The following PISD variants were observed in gnomAD, a reference collection of about 807,000 sequenced individuals.
PISD encodes the protein phosphatidylserine decarboxylase, also known as phosphatidylserine decarboxylase proenzyme, mitochondrial.
Under a neutral mutation model 43.5 loss-of-function variants are expected in PISD, and 31 were observed. That is an observed-to-expected ratio of 0.71 (90% confidence interval 0.54 to 0.96). PISD has a LOEUF of 0.96. PISD is among the 40% of genes least tolerant of loss of function. The pLI, the probability that PISD is intolerant of heterozygous loss-of-function variation, is 0.00. For missense variants in PISD, 523 were observed against 548.4 expected (o/e 0.95, Z 0.46); for synonymous variants, 259 against 228.7 (o/e 1.13, Z -1.20).
chr22:31,638,667 T>C (rs2073591959), intron 3 of PISD: 23 of 978,758 alleles, frequency 2.3e-5, no homozygotes, highest in Non-Finnish European at 2.7e-5. Context: ...GTTTTTTCTT[T>C]GTAGAGGCAT....
At chr22:31,641,612 C>T (rs1226065110) in intron 3 of PISD, among the ~76,000 whole-genome samples, 1 of 151,150 alleles carries the variant, frequency 6.6e-6, no homozygotes, top group Non-Finnish European at 1.5e-5. Flanking sequence ...GTCAAGAGTT[C>T]AAGAACAGCC....
intron 3 of PISD, among the ~76,000 whole-genome samples, chr22:31,641,531 T>C (rs765241952): frequency 5.8e-4 from 88 of 152,180 alleles, no homozygotes; most frequent in Middle Eastern, 3.4e-3. Flanking sequence ...AACTTAGGAA[T>C]TGTGGCCAGG....
intron 3 of PISD, among the ~76,000 whole-genome samples, chr22:31,642,664 G>A (rs1003811884): frequency 6.0e-5 from 9 of 149,788 alleles, no homozygotes; most frequent in African/African-American, 2.3e-4. Flanking sequence ...GTGGTGGTGC[G>A]CGCACCTGTA....
chr22:31,650,648 G>T lies in PISD; in HGVS notation c.145+51C>A. On this transcript the variant is annotated intron_variant, in intron 2 of 7. Coordinates refer to ENST00000439502, the MANE Select transcript of PISD (RefSeq NM_001326411.2). ...CCTATGTTTATCCCAATTTACAGAT[G>T]ACCAAACTGAGGCAGAGAGAGGGTC... The T allele has an allele frequency of 2.8e-6, 3 of 1,076,498 alleles. No homozygotes were observed. In the South Asian group the frequency reaches 4.2e-5, roughly 15 times the overall value. 66.7% of individuals were successfully genotyped at this position (1,076,498 alleles called of 1,614,324 possible).
chr22:31,638,725 G>T (rs2073593888), intron 3 of PISD: 1 of 565,494 alleles, frequency 1.8e-6, no homozygotes, highest in Non-Finnish European at 2.2e-6. Context: ...GGGCTCAAGA[G>T]ATCTTCCTGC....
At chr22:31,645,308 G>A (rs1412466600) in intron 3 of PISD, among the ~76,000 whole-genome samples, 1 of 151,740 alleles carries the variant, frequency 6.6e-6, no homozygotes, top group Non-Finnish European at 1.5e-5. Context: ...AGAAGGCTGA[G>A]GTGGGAGGAT....
intron 3 of PISD, among the ~76,000 whole-genome samples, chr22:31,636,422 A>C (rs1817993869): frequency 6.6e-6 from 1 of 152,168 alleles, no homozygotes; most frequent in African/African-American, 2.4e-5. Flanking sequence ...ACAAGCCCCC[A>C]GGGCCATGCC....
Position 31,644,047 on chromosome 22 carries a change from C to CA in PISD, c.321+4053dup, listed in dbSNP as rs549530970. ...TGGGTGACAGGGCGAGTCTCCGTCT[C>CA]AAAAAAAAAAACAAAAACAAAAACA... is the stretch of plus-strand genomic sequence containing the variant. On this transcript the variant is annotated intron_variant, in intron 3 of 7. Coordinates refer to ENST00000439502, the MANE Select transcript of PISD (RefSeq NM_001326411.2). 7.4e-3 allele frequency among the ~76,000 whole-genome samples: 994 copies of CA among 134,818 alleles called. 4 individuals are homozygous for CA. Among genetic ancestry groups the CA allele is most frequent in the African/African-American group, 0.022 (809 of 36,758 alleles). The allele number at this position is 134,818 out of a possible 152,430, so 88.4% of individuals were successfully genotyped here.
chr22:31,632,893 C>T (rs999973221), intron 3 of PISD, among the ~76,000 whole-genome samples: 1 of 152,148 alleles, frequency 6.6e-6, no homozygotes, highest in Non-Finnish European at 1.5e-5. Flanking sequence ...TTAATTCTTG[C>T]TTCTATCAAT....
Position 31,658,872 on chromosome 22 carries a change from G to C in PISD, c.65+3272C>G, listed in dbSNP as rs375536186. Among the ~76,000 whole-genome samples the C allele has an allele frequency of 4.3e-4, 33 of 76,512 alleles. No homozygotes were observed. In the East Asian group the frequency reaches 0.01, roughly 24 times the overall value. 50.2% of individuals were successfully genotyped at this position (76,512 alleles called of 152,430 possible). On this transcript the variant is annotated intron_variant, in intron 1 of 7. Coordinates refer to ENST00000439502, the MANE Select transcript of PISD (RefSeq NM_001326411.2). ...TTCTTTTTCTTTTTTTTTTTTTTTT[G>C]AGACAGGGTCTCACTCTGTTGCCCA... is the stretch of plus-strand genomic sequence containing the variant.
intron 1 of PISD, among the ~76,000 whole-genome samples, 176 bp downstream of exon 1, chr22:31,661,968 C>G (rs2074331829): frequency 2.0e-5 from 3 of 152,158 alleles, no homozygotes; most frequent in Admixed American, 6.5e-5. Context: ...CTAAGTAAAT[C>G]CGGACCGCCC....
chr22:31,619,629 C>CTT lies in PISD; in HGVS notation c.1211_1212dup (p.Ala405LysfsTer37), dbSNP rs1229048455. The CTT allele has an allele frequency of 6.2e-7, 1 of 1,613,936 alleles. No homozygotes were observed. The highest frequency in any genetic ancestry group is 1.3e-5 in the African/African-American group (1 of 75,040). On this transcript the variant is annotated frameshift_variant, in exon 8 of 8. Transcript: ENST00000439502. LOFTEE classifies it high-confidence loss of function. ...AAGAGACTCTAGAGCGAGCCCAGGG[C>CTT]TTCCCCAAAGCGGATTTTCTGTCCT...
Position 31,630,898 on chromosome 22 carries a change from C to A in PISD, c.322-9013G>T, listed in dbSNP as rs919686803. On this transcript the variant is annotated intron_variant, in intron 3 of 7. Transcript: ENST00000439502. This position sits in a 1 kb window ranked among gnomAD's most constrained non-coding sequence, Gnocchi z 4.4. ...GAGTGGGCGGGGCTCGGGCTCCAGCCACTCAGACTACCAGGGGCGGGGGCA... is the reference window on the plus strand; with the variant it reads ...GAGTGGGCGGGGCTCGGGCTCCAGCAACTCAGACTACCAGGGGCGGGGGCA... 4 of 979,852 alleles carry A rather than the reference C, an allele frequency of 4.1e-6. No individual in the cohort carries two copies. The highest frequency in any genetic ancestry group is 4.8e-6 in the Non-Finnish European group (4 of 824,944). The allele number at this position is 979,852 out of a possible 1,614,324, so 60.7% of individuals were successfully genotyped here.
intron 3 of PISD, among the ~76,000 whole-genome samples, chr22:31,633,895 CT>C (rs1358154375): frequency 6.6e-6 from 1 of 152,198 alleles, no homozygotes; most frequent in Non-Finnish European, 1.5e-5. Context: ...AAAAAATTGT[CT>C]GGAAATTTAC....
chr22:31,620,518 C>T (rs1030544800), intron 7 of PISD, 35 bp downstream of exon 7: 1 of 1,610,932 alleles, frequency 6.2e-7, no homozygotes, highest in Non-Finnish European at 8.5e-7. Flanking sequence ...AGAGGTCTGG[C>T]CCTTGGGCTT....
chr22:31,661,617 CCCT>C (rs1259149113), intron 1 of PISD, among the ~76,000 whole-genome samples: 1 of 152,086 alleles, frequency 6.6e-6, no homozygotes. Context: ...CTCAGAAGAC[CCCT>C]CAAGTCTCCC....
chr22:31,637,156 AAAAAAAAAAT>A (rs1468271885), intron 3 of PISD, among the ~76,000 whole-genome samples: 12 of 42,410 alleles, frequency 2.8e-4, no homozygotes, highest in East Asian at 1.8e-3. Flanking sequence ...AAAAAAAAAA[AAAAAAAAAAT>A]ATATATATAT....
chr22:31,623,662 A>G, intron 3 of PISD: 1 of 1,605,008 alleles, frequency 6.2e-7, no homozygotes, highest in Non-Finnish European at 8.5e-7. Context: ...GGTCCGAGCC[A>G]CAGGGGCCTG....
chr22:31,639,926 AG>A (rs1466072205), intron 3 of PISD, among the ~76,000 whole-genome samples: 1 of 152,166 alleles, frequency 6.6e-6, no homozygotes, highest in Non-Finnish European at 1.5e-5. Context: ...GTTCCTGAAA[AG>A]AAACTCAGAG....
Sources: gnomAD v4.1 joint callset for allele counts (sites outside exome capture counted in the v4.1 genomes callset) on GRCh38, gnomAD v4.1.1 for gene constraint, Gnocchi (gnomAD v3.1) non-coding constraint, MANE v1.5 for transcripts, NCBI Gene and HGNC (gene_info 2026-07-23, HGNC 2026-07-21) for gene names.